PIGA: variants seen among roughly 807,000 people sequenced by gnomAD.
PIGA encodes the protein phosphatidylinositol N-acetylglucosaminyltransferase subunit A.
Under a neutral mutation model 17.1 loss-of-function variants are expected in PIGA, and 3 were observed. That is an observed-to-expected ratio of 0.18 (90% CI 0.08 to 0.45). The LOEUF (loss-of-function observed/expected upper bound fraction) is 0.45. PIGA is among the 20% of genes least tolerant of loss of function. The probability of loss-of-function intolerance (pLI) is 0.99; values close to 1 mark genes in which losing one functional copy is unlikely to be tolerated. For missense variants in PIGA, 231 were observed against 374.1 expected, an observed-to-expected ratio of 0.62 and a Z score of 3.16; for synonymous variants, 126 against 135.1, an observed-to-expected ratio of 0.93 and a Z score of 0.47.
chrX:15,331,040 G>A (rs1278579328), intron 2 of PIGA, 176 bp downstream of exon 2: 10 of 399,011 alleles, frequency 2.5e-5, no homozygotes, highest in Middle Eastern at 6.8e-4. Flanking sequence ...CCACCATCCT[G>A]AAAAATCGCT....
At chrX:15,325,670 T>C (rs1469602436) in intron 3 of PIGA, 3 of 233,426 alleles carry the variant, frequency 1.3e-5, no homozygotes, top group Non-Finnish European at 2.3e-5. Flanking sequence ...GTGCCTTTCA[T>C]GGTGCCTCCA....
chrX:15,335,183 C>CCCCGCTGGGTTCAT (rs1289943493), intron 1 of PIGA, among the ~76,000 whole-genome samples: 2 of 112,495 alleles, frequency 1.8e-5, no homozygotes, highest in African/African-American at 6.5e-5. Context: ...CAGACAGCGA[C>CCCCGCTGGGTTCAT]CCCGCTGGGT....
chrX:15,331,349 T>C lies in PIGA; in HGVS notation c.582A>G (p.Leu194=), dbSNP rs1487418457. 5 of 1,208,302 alleles carry C rather than the reference T, an allele frequency of 4.1e-6. No homozygotes were observed. The highest frequency in any genetic ancestry group is 3.4e-6 in the Non-Finnish European group (3 of 893,429). ...VSYTSKENTV[L]RAALNPEIVS... ...CTATTTCAGGATTCAGTGCTGCTCT[T>C]AGTACAGTATTTTCCTTACTAGTAT... Residue 194 remains leucine, a synonymous_variant, in exon 2 of 6, where the codon CTA becomes CTG. Coordinates refer to ENST00000333590, the MANE Select transcript of PIGA (RefSeq NM_002641.4).
intron 5 of PIGA, among the ~76,000 whole-genome samples, chrX:15,322,439 T>A (rs751097596): frequency 3.6e-5 from 4 of 112,270 alleles, no homozygotes; most frequent in African/African-American, 1.3e-4. Context: ...GCAAATGAAA[T>A]AACGTTTTTT....
chrX:15,335,433 G>A (rs1193213310), intron 1 of PIGA, 68 bp downstream of exon 1: 5 of 948,432 alleles, frequency 5.3e-6, no homozygotes, highest in Non-Finnish European at 6.7e-6. Flanking sequence ...ACGATCCCAC[G>A]CGCGCAGAAC....
At chrX:15,331,148 T>C in intron 2 of PIGA, 68 bp downstream of exon 2, 2 of 700,982 alleles carry the variant, frequency 2.9e-6, no homozygotes, top group Non-Finnish European at 4.3e-6. Context: ...AATCATTATA[T>C]ACAAGTATTC....
Position 15,325,180 on chromosome X carries a change from A to C in PIGA, c.849-28T>G, listed in dbSNP as rs1921934363. The stretch of plus-strand genomic sequence containing the variant: ...GATTTTTTAAATGAGAGGGGAAGAA[A>C]GGAGTGAAAACTCATGCTACAAAAG... On this transcript the variant is annotated intron_variant, in intron 3 of 5. Coordinates refer to ENST00000333590, the MANE Select transcript of PIGA (RefSeq NM_002641.4). The C allele has an allele frequency of 4.3e-6, 5 of 1,152,996 alleles. No homozygotes were observed. In the South Asian group the frequency reaches 1.0e-4, roughly 24 times the overall value.
intron 2 of PIGA, chrX:15,327,024 C>T (rs1186526501): frequency 9.0e-6 from 1 of 111,365 alleles, no homozygotes; most frequent in African/African-American, 3.3e-5. Flanking sequence ...TTTCGGGAGG[C>T]CAAGGCAGGC....
At position 15,320,143 on chromosome X, in the gene PIGA, T is replaced by C. The variant is rs1921756339; in HGVS notation, c.*1363A>G. On this transcript the variant is annotated 3_prime_UTR_variant, in exon 6 of 6. Transcript: ENST00000333590. ...CTTTTATATCAGTGCAACCAGTTAA[T>C]AGGCATGTTATTTTTTAAAAAGTAA... The C allele has an allele frequency of 8.9e-6, 1 of 112,859 alleles. No individual in the cohort carries two copies. The highest frequency in any genetic ancestry group is 3.2e-5 in the African/African-American group (1 of 31,103). 9.3% of individuals were successfully genotyped at this position (112,859 alleles called of 1,213,427 possible). A position where few individuals can be genotyped will look rare whatever the true frequency, so the allele number is the denominator to read the frequency against.
chrX:15,331,630 A>C lies in PIGA; in HGVS notation c.301T>G (p.Ser101Ala). ...CTGTGAAAGAGGGTCGTGGCTGTAG[A>C]CTGGTTGTACATGACTTTCAGAGGC... ...YLPLKVMYNQ[S>A]TATTLFHSLP... The change falls in exon 2 of 6, where the codon TCT becomes GCT. Residue 101 changes from serine to alanine, a missense_variant. Around this residue, in one of 5 missense-constraint regions of PIGA, gnomAD observed 29 missense variants for 36.6 expected, o/e 0.79. Transcript: ENST00000333590. 8.3e-7 allele frequency: 1 copy of C among 1,211,853 alleles called. No individual in the cohort carries two copies. The highest frequency in any genetic ancestry group is 2.3e-4 in the Middle Eastern group (1 of 4,355).
chrX:15,327,072 A>T (rs1222799293), intron 2 of PIGA: 1 of 111,176 alleles, frequency 9.0e-6, no homozygotes, highest in Non-Finnish European at 1.9e-5. Context: ...ATCCTGGCTA[A>T]CATGGTGAAA....
At chrX:15,329,620 G>A (rs1411693412) in intron 2 of PIGA, among the ~76,000 whole-genome samples, 1 of 110,356 alleles carries the variant, frequency 9.1e-6, no homozygotes, top group African/African-American at 3.4e-5. Context: ...ATGTATTTAT[G>A]TATTTTTTTT....
intron 5 of PIGA, among the ~76,000 whole-genome samples, chrX:15,322,369 CAAAT>C (rs369403044): frequency 7.2e-5 from 8 of 111,758 alleles, no homozygotes; most frequent in African/African-American, 2.6e-4. Flanking sequence ...TCATGGATTT[CAAAT>C]AAAAGAAGAT....
chrX:15,330,802 C>T (rs1922132395), intron 2 of PIGA: 1 of 115,505 alleles, frequency 8.7e-6, no homozygotes, highest in South Asian at 3.3e-4. Flanking sequence ...CAGGGTTTCA[C>T]CATGTTAGCC....
chrX:15,334,344 C>A (rs776262909), intron 1 of PIGA, among the ~76,000 whole-genome samples: 23 of 109,909 alleles, frequency 2.1e-4, no homozygotes, highest in African/African-American at 6.3e-4. Context: ...GCGCACACCA[C>A]AAGCCCAGCT....
chrX:15,331,899 T>C lies in PIGA; in HGVS notation c.32A>G (p.His11Arg), dbSNP rs748902332. 19 of 1,205,362 alleles carry C rather than the reference T, an allele frequency of 1.6e-5. No homozygotes were observed. Among genetic ancestry groups the C allele is most frequent in the Middle Eastern group, 2.3e-4 (1 of 4,350 alleles). Reference protein sequence around the residue: MACRGGAGNGHRASATLSRVS... With the variant: MACRGGAGNGRRASATLSRVS... ...CCGAGAGAGTGTAGCTGAGGCACGG[T>C]GGCCATTCCCAGCTCCTCCTCTACA... The change falls in exon 2 of 6, where the codon CAC (histidine) becomes CGC (arginine). Residue 11 changes from histidine (H) to arginine (R), a missense_variant. Physicochemically the swap from His to Arg is conservative, Grantham distance 29. Coordinates refer to ENST00000333590, the MANE Select transcript of PIGA (RefSeq NM_002641.4).
chrX:15,328,891 T>C (rs898557193), intron 2 of PIGA: 7 of 112,359 alleles, frequency 6.2e-5, no homozygotes, highest in African/African-American at 2.3e-4. Flanking sequence ...ATAAATTAGG[T>C]ACAATTCCTA....
chrX:15,328,960 T>C (rs1434545947), intron 2 of PIGA: 4 of 112,500 alleles, frequency 3.6e-5, no homozygotes. Context: ...AGAATGCCAG[T>C]CGGTTCACAT....
At chrX:15,326,244 C>T (rs1385504383) in intron 2 of PIGA, 198 bp from the exon 3 acceptor site, 7 of 295,650 alleles carry the variant, frequency 2.4e-5, no homozygotes, top group Non-Finnish European at 4.1e-5. Flanking sequence ...TTCTTGAAGA[C>T]GTAGACCTTG....
Sources: allele counts gnomAD v4.1 joint callset (sites outside exome capture counted in the v4.1 genomes callset), GRCh38; gene constraint gnomAD v4.1.1; regional missense constraint gnomAD v4.1.1; transcripts MANE v1.5; gene names NCBI Gene and HGNC (gene_info 2026-07-23, HGNC 2026-07-21).